Variants in SMAD2 observed in about 807,000 individuals in gnomAD.
The protein encoded by SMAD2 is SMAD family member 2.
Under a neutral mutation model 64.4 loss-of-function variants are expected in SMAD2, and 8 were observed. The observed-to-expected ratio is 0.12, with a 90% CI of 0.07 to 0.22. The LOEUF (loss-of-function observed/expected upper bound fraction) is 0.22, where lower values mean the gene tolerates loss of function less well. Among genes scored for constraint, SMAD2 ranks in the 10% least tolerant of loss-of-function variants. The pLI is 1.00. For synonymous variants in SMAD2, 203 were observed against 195.8 expected (o/e 1.04, Z -0.31); for missense variants, 289 against 561.2 (o/e 0.51, Z 4.90).
intron 2 of SMAD2, among the ~76,000 whole-genome samples, chr18:47,891,506 T>C (rs1179620373): frequency 7.3e-6 from 1 of 136,756 alleles, no homozygotes; most frequent in Admixed American, 8.0e-5. Context: ...CTACTTTATG[T>C]TTTTAAGTAA....
Position 47,839,889 on chromosome 18 carries a change from G to A in SMAD2, c.*1938C>T, listed in dbSNP as rs1209479915. Reference sequence around the variant, plus strand: ...CATCCTTTCCTTAGAGGCTTTCCTTGATGTCCTACCTGAAGCATCCCATCT... The same window carrying A: ...CATCCTTTCCTTAGAGGCTTTCCTTAATGTCCTACCTGAAGCATCCCATCT... On this transcript the variant is annotated 3_prime_UTR_variant, in exon 11 of 11. Transcript: ENST00000262160. 4.3e-6 allele frequency: 1 copy of A among 233,048 alleles called. No individual in the cohort carries two copies. Among genetic ancestry groups the A allele is most frequent in the Non-Finnish European group, 8.5e-6 (1 of 118,038 alleles). The allele number at this position is 233,048 out of a possible 1,614,324, so 14.4% of individuals were successfully genotyped here.
rs1037337357 is a variant in SMAD2 at position 47,837,884 on chromosome 18, A to C, written c.*3943T>G. On this transcript the variant is annotated 3_prime_UTR_variant, in exon 11 of 11. Transcript: ENST00000262160. ...TAAAGTAAAGACTGTACATGAAGAC[A>C]TATTTTATGTACAGTGAAGATTGTC... is the stretch of plus-strand genomic sequence containing the variant. 4.3e-6 allele frequency: 1 copy of C among 232,884 alleles called. No individual in the cohort carries two copies. Among genetic ancestry groups the C allele is most frequent in the Non-Finnish European group, 8.5e-6 (1 of 117,626 alleles). 14.4% of individuals were successfully genotyped at this position (232,884 alleles called of 1,614,324 possible). A position where few individuals can be genotyped will look rare whatever the true frequency, so the allele number is the denominator to read the frequency against.
chr18:47,844,160 A>G (rs983066324), intron 10 of SMAD2, among the ~76,000 whole-genome samples: 2 of 152,188 alleles, frequency 1.3e-5, no homozygotes, highest in Non-Finnish European at 2.9e-5. Flanking sequence ...TAACTCAGAA[A>G]AAAATAGTGA....
In SMAD2 at chr18:47,870,337, T is replaced by C; in HGVS notation, c.326+138A>G. The stretch of plus-strand genomic sequence containing the variant: ...TATATTTTTTATACTGGCAAGCAGA[T>C]ATTTTAAATGCTATGCCTTATTTTA... On this transcript the variant is annotated intron_variant, in intron 3 of 10. Coordinates refer to ENST00000262160, the MANE Select transcript of SMAD2 (RefSeq NM_005901.6). 7 of 665,156 alleles carry C rather than the reference T, an allele frequency of 1.1e-5. No individual in the cohort carries two copies. The Middle Eastern group carries it at 1.0e-3, about 95-fold the overall frequency. 41.2% of individuals were successfully genotyped at this position (665,156 alleles called of 1,614,324 possible). A position where few individuals can be genotyped will look rare whatever the true frequency, so the allele number is the denominator to read the frequency against.
rs1238320200 is a variant in SMAD2, at chr18:47,832,533, T to C, written c.*9294A>G. 6.6e-6 allele frequency: 1 copy of C among 152,186 alleles called. No homozygotes were observed. The highest frequency in any genetic ancestry group is 2.4e-5 in the African/African-American group (1 of 41,440). 9.4% of individuals were successfully genotyped at this position (152,186 alleles called of 1,614,324 possible). On this transcript the variant is annotated 3_prime_UTR_variant, in exon 11 of 11. Transcript: ENST00000262160. ...CATACTAAAGCATGTTTAAAATGGT[T>C]TGCAGAAAACAGTCTGCTAACCAGT...
Position 47,854,113 on chromosome 18 carries a change from G to A in SMAD2, c.731-2786C>T, listed in dbSNP as rs1041192809. Among the ~76,000 whole-genome samples, 18 of 150,036 alleles carry A rather than the reference G, an allele frequency of 1.2e-4. 1 individual carries two copies. Among genetic ancestry groups the A allele is most frequent in the African/African-American group, 2.9e-4 (12 of 40,798 alleles). ...TAAAAAAAAAAAAACCAGAGGCAAC[G>A]AACTGATGATTAGCCTATGAATTAT... On this transcript the variant is annotated intron_variant, in intron 6 of 10. Transcript: ENST00000262160.
At chr18:47,905,201 T>A (rs565086485) in intron 1 of SMAD2, among the ~76,000 whole-genome samples, 1 of 152,242 alleles carries the variant, frequency 6.6e-6, no homozygotes, top group African/African-American at 2.4e-5. Flanking sequence ...AAAATGAAAT[T>A]TCAAGAAATA....
intron 1 of SMAD2, among the ~76,000 whole-genome samples, chr18:47,909,407 G>A (rs1394001163): frequency 6.6e-6 from 1 of 152,168 alleles, no homozygotes; most frequent in Non-Finnish European, 1.5e-5. Flanking sequence ...AAGTAGATGA[G>A]TTAGTTCCTA....
At chr18:47,922,661 A>C (rs988378534) in intron 1 of SMAD2, 3 of 152,232 alleles carry the variant, frequency 2.0e-5, no homozygotes, top group Admixed American at 2.0e-4. Flanking sequence ...ACATACTACA[A>C]GGCAGAGAAA....
intron 5 of SMAD2, 80 bp from the exon 6 acceptor site, chr18:47,865,213 T>C: frequency 2.6e-6 from 2 of 766,416 alleles, no homozygotes; most frequent in Admixed American, 1.8e-5. Flanking sequence ...AGATAACCAA[T>C]GAATCACTCC....
At chr18:47,855,402 G>T (rs572034745) in intron 6 of SMAD2, among the ~76,000 whole-genome samples, 1 of 152,112 alleles carries the variant, frequency 6.6e-6, no homozygotes, top group Non-Finnish European at 1.5e-5. Flanking sequence ...AAACCATATG[G>T]TAAGAATATA....
At chr18:47,860,631 C>T (rs569906860) in intron 6 of SMAD2, among the ~76,000 whole-genome samples, 8 of 151,900 alleles carry the variant, frequency 5.3e-5, no homozygotes, top group East Asian at 1.9e-4. Flanking sequence ...AGAAACTCTT[C>T]GAGAAAACAG....
rs917602823 is a variant in SMAD2 at position 47,826,629 on chromosome 18, C to T, written c.*15198G>A. ...TACAACTGCTCCAGAGACATCTAGC[C>T]GAAATCACTTATCTAATTCATAAAC... On this transcript the variant is annotated 3_prime_UTR_variant, in exon 11 of 11. Transcript: ENST00000262160. 7 of 152,198 alleles carry T rather than the reference C, an allele frequency of 4.6e-5. No individual in the cohort carries two copies. The highest frequency in any genetic ancestry group is 1.2e-4 in the African/African-American group (5 of 41,448). The allele number at this position is 152,198 out of a possible 1,614,324, so 9.4% of individuals were successfully genotyped here.
chr18:47,879,839 A>G (rs527619019), intron 2 of SMAD2, among the ~76,000 whole-genome samples: 1 of 152,260 alleles, frequency 6.6e-6, no homozygotes, highest in East Asian at 1.9e-4. Flanking sequence ...CCAAAGCCTC[A>G]TCAACATTTG....
intron 1 of SMAD2, among the ~76,000 whole-genome samples, chr18:47,909,564 G>C (rs2034039756): frequency 6.6e-6 from 1 of 152,192 alleles, no homozygotes; most frequent in Admixed American, 6.5e-5. Context: ...TCTGAGGTAG[G>C]AAAGGACAGG....
chr18:47,845,574 A>G (rs1914414857), intron 9 of SMAD2, 89 bp downstream of exon 9: 9 of 1,564,646 alleles, frequency 5.8e-6, no homozygotes, highest in Non-Finnish European at 7.9e-6. Context: ...GAATATGAGC[A>G]TGCAATCATC....
In SMAD2 at chr18:47,845,736, T is replaced by C. The variant is rs1914431953; in HGVS notation, c.1062A>G (p.Ala354=). The C allele has an allele frequency of 6.2e-7, 1 of 1,613,768 alleles. No homozygotes were observed. Among genetic ancestry groups the C allele is most frequent in the African/African-American group, 1.3e-5 (1 of 74,918 alleles). Residue 354 remains alanine (A), a synonymous_variant, in exon 9 of 11, where the codon GCA becomes GCG. Coordinates refer to ENST00000262160, the MANE Select transcript of SMAD2 (RefSeq NM_005901.6). Reference sequence around the variant, plus strand: ...TACAATTGGGGCTCTGCACAAAGATTGCACTATCACTTAGGCACTCAGCAA... The same window carrying C: ...TACAATTGGGGCTCTGCACAAAGATCGCACTATCACTTAGGCACTCAGCAA... ...EVFAECLSDS[A]IFVQSPNCNQ... is the part of the protein sequence containing the mutation.
intron 2 of SMAD2, among the ~76,000 whole-genome samples, chr18:47,871,573 C>T (rs990393925): frequency 2.0e-5 from 3 of 152,184 alleles, no homozygotes; most frequent in African/African-American, 7.2e-5. Context: ...AGGAACACAT[C>T]ATGCCCTGCT....
rs1374824345 is a variant in SMAD2, at chr18:47,830,649, C to G, written c.*11178G>C. 1 of 151,600 alleles carries G rather than the reference C, an allele frequency of 6.6e-6. No individual in the cohort carries two copies. Among genetic ancestry groups the G allele is most frequent in the Non-Finnish European group, 1.5e-5 (1 of 68,060 alleles). 9.4% of individuals were successfully genotyped at this position (151,600 alleles called of 1,614,324 possible). A position where few individuals can be genotyped will look rare whatever the true frequency, so the allele number is the denominator to read the frequency against. On this transcript the variant is annotated 3_prime_UTR_variant, in exon 11 of 11. Coordinates refer to ENST00000262160, the MANE Select transcript of SMAD2 (RefSeq NM_005901.6). The stretch of plus-strand genomic sequence containing the variant: ...AATGGCAAACCATTTAGAAGTGAGT[C>G]ATCATTTGTATTAAAATCTTATTTA...
Sources: allele counts gnomAD v4.1 joint callset (sites outside exome capture counted in the v4.1 genomes callset), GRCh38; gene constraint gnomAD v4.1.1; transcripts MANE v1.5; gene names NCBI Gene and HGNC (gene_info 2026-07-23, HGNC 2026-07-21).